Variants in FBXW10B observed in about 807,000 individuals in gnomAD.
FBXW10B encodes the protein F-box and WD repeat domain containing 10B.
chr17:15,571,539 G>A, the FBXW10B span: 1 of 152,196 alleles, frequency 6.6e-6, no homozygotes, highest in Non-Finnish European at 1.5e-5. Context: ...TGACAAGGGT[G>A]TAGAATACCT....
At chr17:15,586,630 C>T in the FBXW10B span, among the ~76,000 whole-genome samples, 7,317 of 151,266 alleles carry the variant, frequency 0.048, 548 homozygotes, top group African/African-American at 0.14. Context: ...GTTTCAGCAG[C>T]TGGTGAGGGA....
At chr17:15,607,659 A>T in the FBXW10B span, 91 of 1,613,540 alleles carry the variant, frequency 5.6e-5, no homozygotes, top group East Asian at 2.0e-3. Context: ...TCGTTCTGGT[A>T]TGCAGTCCAC....
the FBXW10B span, chr17:15,605,324 C>T: frequency 2.6e-5 from 42 of 1,597,212 alleles, no homozygotes; most frequent in African/African-American, 4.2e-4. Flanking sequence ...CAACGGGTAT[C>T]GCTTTCACTT....
At chr17:15,598,710 T>C in the FBXW10B span, 11 of 1,596,008 alleles carry the variant, frequency 6.9e-6, 1 homozygote, top group African/African-American at 6.8e-5. Flanking sequence ...AGGATCATAC[T>C]GCGTAGAACC....
At chr17:15,571,964 C>CG in the FBXW10B span, 2 of 56,740 alleles carry the variant, frequency 3.5e-5, no homozygotes, top group East Asian at 5.9e-4. Flanking sequence ...TGGGAAACGG[C>CG]GGTGGGGGGA....
the FBXW10B span, chr17:15,572,648 G>C: frequency 1.3e-5 from 2 of 151,846 alleles, no homozygotes; most frequent in East Asian, 1.9e-4. Flanking sequence ...ACAATTGGGA[G>C]AGAGCACTCC....
the FBXW10B span, among the ~76,000 whole-genome samples, chr17:15,618,587 C>G: frequency 6.6e-6 from 1 of 150,606 alleles, no homozygotes; most frequent in Non-Finnish European, 1.5e-5. Context: ...GTTTTGACTT[C>G]TTGGTCTGGT....
At chr17:15,570,164 T>A in the FBXW10B span, among the ~76,000 whole-genome samples, 1 of 152,032 alleles carries the variant, frequency 6.6e-6, no homozygotes, top group East Asian at 1.9e-4. Context: ...AGAAATGACC[T>A]CCTAGGTGGG....
the FBXW10B span, among the ~76,000 whole-genome samples, chr17:15,617,768 A>G: frequency 0.015 from 2,349 of 152,316 alleles, 67 homozygotes; most frequent in African/African-American, 0.054. Flanking sequence ...CCCTCACCAG[A>G]AAGAGATGCT....
At chr17:15,608,306 C>T in the FBXW10B span, among the ~76,000 whole-genome samples, 1 of 145,874 alleles carries the variant, frequency 6.9e-6, no homozygotes, top group South Asian at 2.4e-4. Flanking sequence ...GGACTACAAG[C>T]GTGCACCACC....
the FBXW10B span, among the ~76,000 whole-genome samples, chr17:15,612,166 C>CCAAAT: frequency 6.6e-6 from 1 of 152,138 alleles, no homozygotes; most frequent in Non-Finnish European, 1.5e-5. Context: ...GAGAAGACAA[C>CCAAAT]CAAATCAATC....
chr17:15,619,193 T>C, the FBXW10B span: 212 of 1,614,010 alleles, frequency 1.3e-4, no homozygotes, highest in African/African-American at 2.5e-3. Context: ...CAACATTTGG[T>C]TCAAGGAGGA....
At chr17:15,608,218 T>G in the FBXW10B span, among the ~76,000 whole-genome samples, 1 of 146,330 alleles carries the variant, frequency 6.8e-6, no homozygotes. Flanking sequence ...TGGAGTGTAG[T>G]GGTGCAATCT....
the FBXW10B span, among the ~76,000 whole-genome samples, chr17:15,582,905 G>T: frequency 6.6e-6 from 1 of 150,704 alleles, no homozygotes; most frequent in African/African-American, 2.5e-5. Context: ...CTAGCTGAAG[G>T]CTGTTTCTCT....
At chr17:15,616,723 G>A in the FBXW10B span, among the ~76,000 whole-genome samples, 2 of 151,002 alleles carry the variant, frequency 1.3e-5, no homozygotes, top group African/African-American at 4.9e-5. Flanking sequence ...GCAGGAGAAT[G>A]GCGTGAACCC....
chr17:15,603,176 G>A, the FBXW10B span, among the ~76,000 whole-genome samples: 3 of 151,464 alleles, frequency 2.0e-5, no homozygotes, highest in Non-Finnish European at 2.9e-5. Flanking sequence ...GAGCCACCGC[G>A]CCTGGCCCAT....
the FBXW10B span, among the ~76,000 whole-genome samples, chr17:15,585,888 T>A: frequency 6.6e-6 from 1 of 152,174 alleles, no homozygotes; most frequent in Non-Finnish European, 1.5e-5. Context: ...GTCTTTGTGT[T>A]CAGGATTGTA....
At chr17:15,593,051 C>T in the FBXW10B span, among the ~76,000 whole-genome samples, 1 of 140,394 alleles carries the variant, frequency 7.1e-6, no homozygotes, top group Non-Finnish European at 1.5e-5. Context: ...TGCAGTGAGC[C>T]GAGATCGCAT....
chr17:15,597,463 TAAA>T, the FBXW10B span, among the ~76,000 whole-genome samples: 2 of 121,262 alleles, frequency 1.6e-5, no homozygotes, highest in Non-Finnish European at 3.5e-5. Context: ...CCGTCTCTAC[TAAA>T]AAAAAAAAAA....
Sources: gnomAD v4.1 joint callset for allele counts (sites outside exome capture counted in the v4.1 genomes callset) on GRCh38, gnomAD v4.1.1 for gene constraint, MANE v1.5 for transcripts, NCBI Gene and HGNC (gene_info 2026-07-23, HGNC 2026-07-21) for gene names.